CAMK1D: variants seen among roughly 807,000 people sequenced by gnomAD.
CAMK1D encodes the protein calcium/calmodulin dependent protein kinase ID, also known as calcium/calmodulin-dependent protein kinase type 1D.
In CAMK1D, 9 loss-of-function variants were observed where a neutral mutation model predicts 47.7. The observed-to-expected ratio is 0.19, with a 90% CI of 0.11 to 0.33. The LOEUF (loss-of-function observed/expected upper bound fraction) is 0.33. Among genes scored for constraint, CAMK1D ranks in the 10% least tolerant of loss-of-function variants. The pLI, the probability that CAMK1D is intolerant of heterozygous loss-of-function variation, is 1.00. For synonymous variants in CAMK1D, 184 were observed against 184.9 expected, an observed-to-expected ratio of 0.99 and a Z score of 0.04; for missense variants, 291 against 488.7, an observed-to-expected ratio of 0.60 and a Z score of 3.81.
At chr10:12,487,013 G>C (rs1347330333) in intron 1 of CAMK1D, among the ~76,000 whole-genome samples, 1 of 151,812 alleles carries the variant, frequency 6.6e-6, no homozygotes, top group Non-Finnish European at 1.5e-5. Context: ...CTAATTAAAA[G>C]AAAAAAAACA....
chr10:12,597,125 G>C (rs1396833387), intron 2 of CAMK1D, among the ~76,000 whole-genome samples: 1 of 152,114 alleles, frequency 6.6e-6, no homozygotes, highest in Non-Finnish European at 1.5e-5. Flanking sequence ...ACCTTGTGGG[G>C]AAGCTTAGCA....
At chr10:12,809,217 G>T (rs189744516) in intron 6 of CAMK1D, among the ~76,000 whole-genome samples, 115 of 152,148 alleles carry the variant, frequency 7.6e-4, no homozygotes, top group Non-Finnish European at 1.5e-3. Flanking sequence ...GTTTTGATTT[G>T]CACTTCCCTG....
chr10:12,475,269 C>A (rs934895688), intron 1 of CAMK1D, among the ~76,000 whole-genome samples: 4 of 152,200 alleles, frequency 2.6e-5, no homozygotes, highest in Non-Finnish European at 5.9e-5. Context: ...ACCCATTAAA[C>A]AACAAGCCCC....
intron 2 of CAMK1D, among the ~76,000 whole-genome samples, chr10:12,573,831 C>CTTTTTTTGTTTTTT (rs1837402719): frequency 1.6e-5 from 1 of 64,076 alleles, no homozygotes; most frequent in African/African-American, 5.4e-5. Context: ...ATTAAAAAAA[C>CTTTTTTTGTTTTTT]TTTTTTTTTT....
intron 2 of CAMK1D, among the ~76,000 whole-genome samples, chr10:12,566,618 C>T (rs1837132274): frequency 6.6e-6 from 1 of 152,174 alleles, no homozygotes; most frequent in South Asian, 2.1e-4. Context: ...AAAGTGATTG[C>T]CCGAGGTCAT....
At chr10:12,611,792 C>T (rs1289258422) in intron 2 of CAMK1D, among the ~76,000 whole-genome samples, 5 of 151,850 alleles carry the variant, frequency 3.3e-5, no homozygotes, top group African/African-American at 9.7e-5. Context: ...AGGGTTTCAC[C>T]GTGTTGGCCA....
At chr10:12,787,548 G>T (rs939893852) in intron 5 of CAMK1D, among the ~76,000 whole-genome samples, 1 of 152,208 alleles carries the variant, frequency 6.6e-6, no homozygotes, top group Non-Finnish European at 1.5e-5. Context: ...TTGTATTCCT[G>T]CTGTCTTCCT....
At chr10:12,801,051 G>T (rs567673918) in intron 6 of CAMK1D, among the ~76,000 whole-genome samples, 1 of 152,288 alleles carries the variant, frequency 6.6e-6, no homozygotes, top group South Asian at 2.1e-4. Flanking sequence ...CCTCAACATT[G>T]CTCTTCCTGA....
At chr10:12,646,210 G>A (rs45440598) in intron 2 of CAMK1D, among the ~76,000 whole-genome samples, 17,890 of 152,096 alleles carry the variant, frequency 0.12, 1,249 homozygotes, top group African/African-American at 0.19. Context: ...TGTTAGGATA[G>A]TAATTTCCTA....
rs1448443210 is a variant in CAMK1D at position 12,531,355 on chromosome 10, C to G, written c.93-21870C>G. ...GGCTTCCCAGAGTGCATTCATCCCC[C>G]TTCTGCCCTGTCCTGAGATGAGATA... On this transcript the variant is annotated intron_variant, in intron 1 of 10. Transcript: ENST00000619168. Among the ~76,000 whole-genome samples, 5 of 152,208 alleles carry G rather than the reference C, an allele frequency of 3.3e-5. 1 individual carries two copies.
intron 4 of CAMK1D, among the ~76,000 whole-genome samples, chr10:12,761,913 C>T (rs1053650459): frequency 6.6e-6 from 1 of 152,084 alleles, no homozygotes; most frequent in South Asian, 2.1e-4. Context: ...AAAATAGTGT[C>T]TTGCAGGTTC....
At chr10:12,725,492 C>G (rs1245230659) in intron 3 of CAMK1D, 2 of 154,246 alleles carry the variant, frequency 1.3e-5, no homozygotes, top group Non-Finnish European at 2.9e-5. Flanking sequence ...ATATATGAAT[C>G]CAAACATGAT....
intron 1 of CAMK1D, among the ~76,000 whole-genome samples, chr10:12,368,667 C>G (rs1837917247): frequency 6.6e-6 from 1 of 151,230 alleles, no homozygotes; most frequent in Non-Finnish European, 1.5e-5. Flanking sequence ...TGGTTCACAC[C>G]TGTAATCCTA....
chr10:12,443,366 C>T (rs1832838497), intron 1 of CAMK1D, among the ~76,000 whole-genome samples: 2 of 152,054 alleles, frequency 1.3e-5, no homozygotes, highest in Admixed American at 1.3e-4. Context: ...GGGACAGAAA[C>T]AAGGATAGAA....
chr10:12,646,609 C>T (rs1348917707), intron 2 of CAMK1D, among the ~76,000 whole-genome samples: 1 of 152,018 alleles, frequency 6.6e-6, no homozygotes, highest in Non-Finnish European at 1.5e-5. Flanking sequence ...ATAATAGACC[C>T]CTCCCCTAGG....
chr10:12,770,317 C>G (rs1313392234), intron 5 of CAMK1D, among the ~76,000 whole-genome samples: 1 of 152,166 alleles, frequency 6.6e-6, no homozygotes, highest in East Asian at 1.9e-4. Context: ...AAATCACAAC[C>G]CCCAATTCTT....
intron 1 of CAMK1D, among the ~76,000 whole-genome samples, chr10:12,361,498 G>C (rs1216292550): frequency 2.1e-5 from 3 of 142,440 alleles, no homozygotes; most frequent in African/African-American, 7.8e-5. Context: ...GCCTGCCTTG[G>C]CCTCCCAAAG....
At chr10:12,569,108 G>A (rs1173731785) in intron 2 of CAMK1D, among the ~76,000 whole-genome samples, 1 of 152,156 alleles carries the variant, frequency 6.6e-6, no homozygotes, top group Non-Finnish European at 1.5e-5. Context: ...CGGATGAACA[G>A]ATGGTCTACA....
intron 3 of CAMK1D, among the ~76,000 whole-genome samples, chr10:12,712,861 T>C (rs370401118): frequency 2.0e-5 from 3 of 151,994 alleles, no homozygotes; most frequent in African/African-American, 7.2e-5. Flanking sequence ...ATGAGAAAAG[T>C]AAAGCAGCGA....
Sources: gnomAD v4.1 joint callset for allele counts (sites outside exome capture counted in the v4.1 genomes callset) on GRCh38, gnomAD v4.1.1 for gene constraint, MANE v1.5 for transcripts, NCBI Gene and HGNC (gene_info 2026-07-23, HGNC 2026-07-21) for gene names.